EML1: variants seen among roughly 807,000 people sequenced by gnomAD.
The protein encoded by EML1 is EMAP like 1.
In EML1, 27 loss-of-function variants were observed where a neutral mutation model predicts 110.4. The ratio of observed to expected loss-of-function variants is 0.24; its 90% CI spans 0.18 to 0.34. The LOEUF is 0.34. EML1 is among the 10% of genes least tolerant of loss of function. The pLI is 1.00. For missense variants in EML1, 741 were observed against 1,030.9 expected (o/e 0.72, Z 3.85); for synonymous variants, 344 against 385.8 (o/e 0.89, Z 1.27).
chr14:99,940,110 T>C lies in EML1; in HGVS notation c.2446T>C (p.Ter816GlnextTer24). The change falls in exon 22 of 22, where the codon TAG becomes CAG. Residue 816 changes from the stop codon to glutamine, a stop_lost. Transcript: ENST00000262233. ...AAGCATCATGCAGTGGCGCGTCATTTAGTACCCACCGAGAGCTGTGGGGAG... is the reference window on the plus strand; with the variant it reads ...AAGCATCATGCAGTGGCGCGTCATTCAGTACCCACCGAGAGCTGTGGGGAG... ...DTSIMQWRVI[*>Q] The C allele has an allele frequency of 6.4e-7, 1 of 1,566,286 alleles. No individual in the cohort carries two copies.
chr14:99,774,278 C>G (rs1459412585), intron 1 of EML1, among the ~76,000 whole-genome samples: 1 of 152,188 alleles, frequency 6.6e-6, no homozygotes, highest in African/African-American at 2.4e-5. Flanking sequence ...ACTCTGGTCA[C>G]AGTGACAGCG....
chr14:99,900,611 T>G (rs565353414), intron 8 of EML1, among the ~76,000 whole-genome samples: 2 of 152,332 alleles, frequency 1.3e-5, no homozygotes, highest in East Asian at 3.9e-4. Context: ...TTGTCATTTT[T>G]CATTTCTAAA....
intron 1 of EML1, among the ~76,000 whole-genome samples, chr14:99,765,998 A>G (rs540624809): frequency 7.9e-5 from 12 of 152,254 alleles, no homozygotes; most frequent in Middle Eastern, 3.4e-3. Flanking sequence ...GGTTAATAAA[A>G]TGATTACTAC....
At chr14:99,830,776 C>T (rs1002335033) in intron 1 of EML1, among the ~76,000 whole-genome samples, 1 of 152,166 alleles carries the variant, frequency 6.6e-6, no homozygotes, top group Non-Finnish European at 1.5e-5. Flanking sequence ...GTCTCGAACT[C>T]CTGACCTCAG....
At chr14:99,921,979 G>C (rs533240941) in intron 17 of EML1, among the ~76,000 whole-genome samples, 1 of 152,016 alleles carries the variant, frequency 6.6e-6, no homozygotes, top group African/African-American at 2.4e-5. Flanking sequence ...TGGACATATC[G>C]TGTAAATGGA....
At chr14:99,935,519 T>A (rs534832265) in intron 17 of EML1, among the ~76,000 whole-genome samples, 2 of 151,496 alleles carry the variant, frequency 1.3e-5, no homozygotes, top group East Asian at 2.0e-4. Flanking sequence ...ACGCAGTGGC[T>A]CACACCTTAA....
intron 13 of EML1, 144 bp from the exon 14 acceptor site, chr14:99,914,028 TATACAAC>T: frequency 5.3e-6 from 5 of 946,868 alleles, no homozygotes; most frequent in Non-Finnish European, 6.1e-6. Context: ...TATATATGTA[TATACAAC>T]ATATATATTT....
intron 1 of EML1, among the ~76,000 whole-genome samples, chr14:99,754,918 T>A (rs977790997): frequency 2.0e-5 from 3 of 152,148 alleles, no homozygotes; most frequent in Non-Finnish European, 2.9e-5. Context: ...GCCTCTCGTG[T>A]CCATGCAGCA....
intron 1 of EML1, among the ~76,000 whole-genome samples, chr14:99,815,950 T>C (rs190962396): frequency 1.3e-5 from 2 of 152,294 alleles, no homozygotes; most frequent in Non-Finnish European, 2.9e-5. Flanking sequence ...TGGAGATTCT[T>C]GTGAAGCAAG....
chr14:99,738,233 C>T (rs12435062), intron 1 of EML1, among the ~76,000 whole-genome samples: 79,775 of 152,112 alleles, frequency 0.52, 23,233 homozygotes, highest in Middle Eastern at 0.7. Flanking sequence ...TGTGTGAACA[C>T]TTAACGGCGG....
intron 1 of EML1, among the ~76,000 whole-genome samples, chr14:99,846,360 G>A (rs985945727): frequency 1.4e-5 from 2 of 140,580 alleles, no homozygotes; most frequent in Non-Finnish European, 3.0e-5. Flanking sequence ...TCGGCTTACT[G>A]CAACCTTCAC....
chr14:99,866,299 G>A (rs989773840), intron 3 of EML1, among the ~76,000 whole-genome samples: 5 of 151,896 alleles, frequency 3.3e-5, no homozygotes, highest in Non-Finnish European at 5.9e-5. Flanking sequence ...GGCCGGGCTT[G>A]GTGGCTCATG....
At chr14:99,814,855 A>G (rs1291047356) in intron 1 of EML1, among the ~76,000 whole-genome samples, 1 of 152,152 alleles carries the variant, frequency 6.6e-6, no homozygotes, top group Non-Finnish European at 1.5e-5. Context: ...ACCTCGTGCC[A>G]AGCACTATGC....
chr14:99,772,996 G>A (rs551040189), exon 1 of EML1: 4 of 152,278 alleles, frequency 2.6e-5, no homozygotes, highest in East Asian at 1.9e-4. Context: ...GATGCAGAGC[G>A]GTCACAGGCC....
intron 1 of EML1, among the ~76,000 whole-genome samples, chr14:99,834,195 C>T (rs377079251): frequency 2.6e-5 from 4 of 152,136 alleles, no homozygotes; most frequent in South Asian, 2.1e-4. Context: ...TCTGTAAATA[C>T]GGATTACATT....
At chr14:99,865,786 G>T in intron 3 of EML1, 140 bp downstream of exon 3, 1 of 1,110,434 alleles carries the variant, frequency 9.0e-7, no homozygotes, top group Non-Finnish European at 1.2e-6. Flanking sequence ...TTTATATGGT[G>T]CCATAACAAG....
chr14:99,831,689 C>T (rs2058456715), intron 1 of EML1, among the ~76,000 whole-genome samples: 1 of 152,090 alleles, frequency 6.6e-6, no homozygotes, highest in Non-Finnish European at 1.5e-5. Flanking sequence ...CAGTTCAATA[C>T]ATCTTTTTTT....
At chr14:99,791,114 G>T (rs144510400), upstream of EML1, among the ~76,000 whole-genome samples, 51 of 152,138 alleles carry the variant, frequency 3.4e-4, 2 homozygotes, top group African/African-American at 1.1e-3. Context: ...GCCCACCTCG[G>T]CCTCCCAAAA....
Position 99,819,469 on chromosome 14 carries a change from G to A in EML1, c.67+25926G>A, listed in dbSNP as rs78480307. 2.4e-3 allele frequency among the ~76,000 whole-genome samples: 361 copies of A among 152,174 alleles called. 1 individual carries two copies. Among genetic ancestry groups the A allele is most frequent in the African/African-American group, 8.3e-3 (343 of 41,508 alleles). The stretch of plus-strand genomic sequence containing the variant: ...TCCCATCTATGGTTTCATAGTTCTC[G>A]GAAATGTTAACCCTTCTTTCTCTAT... On this transcript the variant is annotated intron_variant, in intron 1 of 21. Coordinates refer to ENST00000262233, the MANE Select transcript of EML1 (RefSeq NM_004434.3).
Sources: allele counts gnomAD v4.1 joint callset (sites outside exome capture counted in the v4.1 genomes callset), GRCh38; gene constraint gnomAD v4.1.1; transcripts MANE v1.5; gene names NCBI Gene and HGNC (gene_info 2026-07-23, HGNC 2026-07-21).